PDE1C: variants seen among roughly 807,000 people sequenced by gnomAD.
PDE1C encodes phosphodiesterase 1C.
PDE1C carries 62 observed loss-of-function variants against 93.1 expected under a neutral mutation model. That is an observed-to-expected ratio of 0.67 (90% CI 0.54 to 0.82). The LOEUF (loss-of-function observed/expected upper bound fraction) is 0.82. PDE1C is among the 40% of genes least tolerant of loss of function. PDE1C has a pLI of 0.00. For synonymous variants in PDE1C, 325 were observed against 310.1 expected (o/e 1.05, Z -0.50); for missense variants, 742 against 884.6 (o/e 0.84, Z 2.04).
At chr7:31,976,449 T>C (rs1811682028) in intron 2 of PDE1C, among the ~76,000 whole-genome samples, 1 of 152,198 alleles carries the variant, frequency 6.6e-6, no homozygotes, top group Non-Finnish European at 1.5e-5. Context: ...TTCATAAGTA[T>C]GTGAAAGAAT....
At chr7:32,020,625 G>C (rs1306891679) in intron 2 of PDE1C, among the ~76,000 whole-genome samples, 2 of 152,008 alleles carry the variant, frequency 1.3e-5, no homozygotes, top group African/African-American at 4.8e-5. Flanking sequence ...AAAACATTTA[G>C]TGTAAAATTG....
In PDE1C at chr7:32,261,723, T is replaced by C. The variant is rs960433251; in HGVS notation, c.85+36928A>G. ...TACATTGAACCTGCCCAGAAGTGTC[T>C]ATAAACGTTATAGTTAGAACAATGT... On this transcript the variant is annotated intron_variant, in intron 1 of 18. Transcript: ENST00000396193. Among the ~76,000 whole-genome samples the C allele has an allele frequency of 5.3e-5, 8 of 152,226 alleles. 1 individual carries two copies. Among genetic ancestry groups the C allele is most frequent in the Admixed American group, 5.2e-4 (8 of 15,286 alleles).
intron 1 of PDE1C, among the ~76,000 whole-genome samples, chr7:32,329,263 C>G (rs1206416972): frequency 6.6e-6 from 1 of 151,974 alleles, no homozygotes; most frequent in Non-Finnish European, 1.5e-5. Context: ...TCGGGGAGAC[C>G]TAAGTTAAGC....
intron 1 of PDE1C, among the ~76,000 whole-genome samples, chr7:32,267,561 T>TCTC (rs1810674691): frequency 7.6e-6 from 1 of 131,894 alleles, no homozygotes; most frequent in Non-Finnish European, 1.6e-5. Context: ...TGCAGCCTCT[T>TCTC]TCTCTCTCTC....
At chr7:32,240,299 C>G (rs968740794) in intron 1 of PDE1C, among the ~76,000 whole-genome samples, 3 of 152,086 alleles carry the variant, frequency 2.0e-5, no homozygotes, top group Non-Finnish European at 4.4e-5. Context: ...GACATACATG[C>G]CTCCATTCTA....
intron 2 of PDE1C, among the ~76,000 whole-genome samples, chr7:31,892,904 T>C (rs2128903426): frequency 6.6e-6 from 1 of 152,256 alleles, no homozygotes; most frequent in East Asian, 1.9e-4. Context: ...GCTAAAAGGG[T>C]AGATTTTAAA....
the PDE1C span, among the ~76,000 whole-genome samples, chr7:31,640,483 C>A: frequency 6.6e-6 from 1 of 152,212 alleles, no homozygotes; most frequent in South Asian, 2.1e-4. Flanking sequence ...TCCTCAGCTT[C>A]AAGTGTCTGC....
chr7:31,777,102 T>C (rs904698890), intron 16 of PDE1C, among the ~76,000 whole-genome samples: 2 of 151,186 alleles, frequency 1.3e-5, no homozygotes, highest in Non-Finnish European at 2.9e-5. Flanking sequence ...GTAACAAACC[T>C]GCACGTTCTG....
At chr7:31,849,455 G>A (rs146883006) in intron 8 of PDE1C, among the ~76,000 whole-genome samples, 49 of 152,292 alleles carry the variant, frequency 3.2e-4, no homozygotes, top group African/African-American at 1.0e-3. Context: ...GACTAAGTGA[G>A]GAGGCAAGAA....
At chr7:31,886,629 C>A (rs1186724748) in intron 2 of PDE1C, among the ~76,000 whole-genome samples, 1 of 152,092 alleles carries the variant, frequency 6.6e-6, no homozygotes, top group Non-Finnish European at 1.5e-5. Context: ...GGAGAGGAAT[C>A]TTCTAATAAC....
chr7:32,167,085 T>C (rs974363922), intron 3 of PDE1C, among the ~76,000 whole-genome samples: 6 of 152,132 alleles, frequency 3.9e-5, no homozygotes, highest in African/African-American at 1.4e-4. Flanking sequence ...GACTGAAACA[T>C]AAAAATATTT....
rs1045634747 is a variant in PDE1C, at chr7:32,308,833, G to T, written c.311-99294C>A. 4.8e-4 allele frequency among the ~76,000 whole-genome samples: 73 copies of T among 152,014 alleles called. 1 individual carries two copies. The highest frequency in any genetic ancestry group is 5.9e-4 in the Non-Finnish European group (40 of 67,982). On this transcript the variant is annotated intron_variant, in intron 1 of 1. Coordinates refer to the PDE1C transcript ENST00000672256. ...GCAGAAAAACTGGAAACTCTAAAAAGCAGAGTGCCTCTCCTCCTCCAAAGG... is the reference window on the plus strand; with the variant it reads ...GCAGAAAAACTGGAAACTCTAAAAATCAGAGTGCCTCTCCTCCTCCAAAGG...
At chr7:31,708,972 T>C in the PDE1C span, among the ~76,000 whole-genome samples, 1 of 152,178 alleles carries the variant, frequency 6.6e-6, no homozygotes, top group Non-Finnish European at 1.5e-5. Context: ...GAGGCATAAT[T>C]GGTGAAGGAG....
chr7:31,747,857 C>CAAAAAAA (rs3078522), downstream of PDE1C, among the ~76,000 whole-genome samples: 2 of 134,176 alleles, frequency 1.5e-5, no homozygotes, highest in African/African-American at 2.8e-5. Flanking sequence ...CAAAACATCT[C>CAAAAAAA]AAAAAAAAAA....
intron 3 of PDE1C, among the ~76,000 whole-genome samples, chr7:32,101,340 T>C (rs1464174115): frequency 1.3e-5 from 2 of 152,224 alleles, no homozygotes; most frequent in African/African-American, 4.8e-5. Flanking sequence ...TTCTGGATTC[T>C]TTGAAACCAT....
In PDE1C at chr7:32,180,459, T is replaced by C. The variant is rs182360291; in HGVS notation, c.137-10503A>G. Among the ~76,000 whole-genome samples the C allele has an allele frequency of 2.8e-3, 421 of 152,288 alleles. 2 individuals carry two copies. The highest frequency in any genetic ancestry group is 9.7e-3 in the African/African-American group (402 of 41,544). On this transcript the variant is annotated intron_variant, in intron 2 of 18. Transcript: ENST00000396193. Reference sequence around the variant, plus strand: ...AGAGGTGTGGCCTTTGGGAGGTGATTGGGTCATGAGGGATTCACGGAAGGA... The same window carrying C: ...AGAGGTGTGGCCTTTGGGAGGTGATCGGGTCATGAGGGATTCACGGAAGGA...
At chr7:31,997,813 A>T (rs1382980473) in intron 2 of PDE1C, among the ~76,000 whole-genome samples, 1 of 152,144 alleles carries the variant, frequency 6.6e-6, no homozygotes. Context: ...GTCTCAAAGA[A>T]AACGTACATG....
At chr7:31,737,195 C>T in the PDE1C span, among the ~76,000 whole-genome samples, 9 of 151,398 alleles carry the variant, frequency 5.9e-5, no homozygotes, top group African/African-American at 2.2e-4. Flanking sequence ...AGCAAGCTGA[C>T]CTTGAACTCC....
intron 16 of PDE1C, among the ~76,000 whole-genome samples, chr7:31,799,532 T>C (rs1172665355): frequency 2.0e-5 from 3 of 151,572 alleles, no homozygotes; most frequent in African/African-American, 7.3e-5. Flanking sequence ...CATTTCAAAC[T>C]AACTTGTTAG....
Sources: gnomAD v4.1 joint callset for allele counts (sites outside exome capture counted in the v4.1 genomes callset) on GRCh38, gnomAD v4.1.1 for gene constraint, MANE v1.5 for transcripts, NCBI Gene and HGNC (gene_info 2026-07-23, HGNC 2026-07-21) for gene names.